The following INPP4A variants were observed in gnomAD, a reference collection of about 807,000 sequenced individuals.
INPP4A encodes the protein inositol polyphosphate-4-phosphatase type I A, also known as inositol polyphosphate-4-phosphatase, type I, 107kD.
Under a neutral mutation model 119.8 loss-of-function variants are expected in INPP4A, and 33 were observed. The observed-to-expected ratio is 0.28, with a 90% confidence interval of 0.21 to 0.37. The LOEUF (loss-of-function observed/expected upper bound fraction) is 0.37. Ranked by LOEUF, INPP4A falls within the 10% of genes least tolerant of loss-of-function variation. The pLI is 1.00. For synonymous variants in INPP4A, 496 were observed against 500.7 expected, an observed-to-expected ratio of 0.99 and a Z score of 0.12; for missense variants, 956 against 1,289.9, an observed-to-expected ratio of 0.74 and a Z score of 3.97.
chr2:98,559,417 G>A (rs1695056982), intron 16 of INPP4A, 46 bp from the exon 17 acceptor site: 1 of 1,611,266 alleles, frequency 6.2e-7, no homozygotes, highest in South Asian at 1.1e-5. Flanking sequence ...GGTTTGAACT[G>A]TGTGCTGCTC....
chr2:98,482,336 C>T (rs1454896709), intron 1 of INPP4A, among the ~76,000 whole-genome samples: 1 of 152,230 alleles, frequency 6.6e-6, no homozygotes, highest in Admixed American at 6.5e-5. Context: ...ATCACTTTTC[C>T]TATCTTGGCC....
chr2:98,464,605 C>G (rs1674363003), intron 1 of INPP4A, among the ~76,000 whole-genome samples: 1 of 152,208 alleles, frequency 6.6e-6, no homozygotes, highest in Non-Finnish European at 1.5e-5. Flanking sequence ...CATGTCAGAA[C>G]TCGGCACCAG....
chr2:98,510,301 G>A lies in INPP4A; in HGVS notation c.-165-8663G>A, dbSNP rs1252991777. On this transcript the variant is annotated intron_variant, in intron 1 of 24. Transcript: ENST00000409851. ...GGAAGGACAGAACTCCATCTACTGA[G>A]ATGGGAAACCTTGAGGGGCTGGTGA... Among the ~76,000 whole-genome samples the A allele has an allele frequency of 3.3e-5, 5 of 152,222 alleles. No homozygotes were observed. In the East Asian group the frequency reaches 7.7e-4, roughly 23 times the overall value.
At chr2:98,466,650 CTTATGG>C (rs1371375885) in intron 1 of INPP4A, among the ~76,000 whole-genome samples, 5 of 152,224 alleles carry the variant, frequency 3.3e-5, no homozygotes, top group Admixed American at 3.3e-4. Context: ...AAAACCCTCA[CTTATGG>C]TTATGCCAGG....
intron 1 of INPP4A, among the ~76,000 whole-genome samples, chr2:98,479,632 G>A (rs7602564): frequency 4.5e-4 from 69 of 152,286 alleles, no homozygotes; most frequent in African/African-American, 1.7e-3. Flanking sequence ...GTGGTCAGGT[G>A]CTGGGAAATC....
At chr2:98,585,466 A>C (rs1162991569) in intron 24 of INPP4A, among the ~76,000 whole-genome samples, 1 of 152,252 alleles carries the variant, frequency 6.6e-6, no homozygotes, top group Non-Finnish European at 1.5e-5. Context: ...GACCACCTCA[A>C]CATGTACCAT....
chr2:98,587,355 C>G (rs1700059897), intron 24 of INPP4A, 121 bp from the exon 25 acceptor site: 3 of 1,052,586 alleles, frequency 2.9e-6, no homozygotes, highest in Non-Finnish European at 4.0e-6. Context: ...GAGTCCGGCA[C>G]CCATTTAAAT....
chr2:98,584,299 T>A (rs1182624048), intron 24 of INPP4A, among the ~76,000 whole-genome samples: 1 of 152,260 alleles, frequency 6.6e-6, no homozygotes, highest in African/African-American at 2.4e-5. Context: ...TTACACAGCT[T>A]CCTGGTCCTG....
intron 1 of INPP4A, among the ~76,000 whole-genome samples, chr2:98,458,764 G>C (rs1696602068): frequency 6.6e-6 from 1 of 152,190 alleles, no homozygotes. Context: ...TATGCAGCAT[G>C]TATGCAGAGA....
At chr2:98,523,589 T>TTTCACTATG (rs1389138845) in intron 4 of INPP4A, among the ~76,000 whole-genome samples, 1 of 151,996 alleles carries the variant, frequency 6.6e-6, no homozygotes. Context: ...AGAGACGGGG[T>TTTCACTATG]TTCACTGTGT....
At chr2:98,468,848 G>A (rs146148019) in intron 1 of INPP4A, among the ~76,000 whole-genome samples, 60 of 152,262 alleles carry the variant, frequency 3.9e-4, no homozygotes, top group African/African-American at 1.2e-3. Context: ...TCTACATCAC[G>A]CCCACACTGG....
At chr2:98,503,803 G>A (rs902921615) in intron 1 of INPP4A, among the ~76,000 whole-genome samples, 3 of 152,202 alleles carry the variant, frequency 2.0e-5, no homozygotes, top group Admixed American at 2.0e-4. Flanking sequence ...TGCAGGCAGG[G>A]CTCCTGTCTT....
rs564501577 is a variant in INPP4A at position 98,570,107 on chromosome 2, G to A, written c.2518+1439G>A. Among the ~76,000 whole-genome samples the A allele has an allele frequency of 4.6e-5, 7 of 152,262 alleles. No homozygotes were observed. The East Asian group carries it at 1.2e-3, about 25-fold the overall frequency. On this transcript the variant is annotated intron_variant, in intron 22 of 24. Transcript: ENST00000409851. This position sits in a 1 kb window ranked among gnomAD's most constrained non-coding sequence, Gnocchi z 4.3. The stretch of plus-strand genomic sequence containing the variant: ...CTGGGCAAGGACGCTGGAGTTGCCG[G>A]CAACAGCTGGGGCCGTCCCGCTGAT...
At chr2:98,572,569 AT>A in intron 22 of INPP4A, among the ~76,000 whole-genome samples, 1 of 152,244 alleles carries the variant, frequency 6.6e-6, no homozygotes, top group Admixed American at 6.5e-5. Flanking sequence ...TTCGGTGGCC[AT>A]TCCCAGCCCC....
At chr2:98,564,854 G>C in intron 19 of INPP4A, 91 bp downstream of exon 19, 1 of 1,309,904 alleles carries the variant, frequency 7.6e-7, no homozygotes. Flanking sequence ...TACCAGTAAT[G>C]CGTGCTTATT....
chr2:98,465,984 G>C (rs962535203), intron 1 of INPP4A, among the ~76,000 whole-genome samples: 3 of 152,052 alleles, frequency 2.0e-5, no homozygotes, highest in Admixed American at 2.0e-4. Context: ...TCTCACTCCA[G>C]CCCTCCCCCC....
At chr2:98,488,422 T>C (rs577370807) in intron 1 of INPP4A, among the ~76,000 whole-genome samples, 106 of 152,350 alleles carry the variant, frequency 7.0e-4, no homozygotes, top group African/African-American at 2.1e-3. Context: ...ATTTGCCAGT[T>C]CTGTGTTTCC....
Position 98,520,102 on chromosome 2 carries a change from G to A in INPP4A, c.54G>A (p.Gln18=), listed in dbSNP as rs1686895108. ...PRHGARARAM[Q]RASTIDVAAD... is the part of the protein sequence containing the mutation. ...ATGGTGCCAGGGCCCGTGCAATGCA[G>A]CGGGCTTCCACCATCGACGTGGCGG... is the stretch of plus-strand genomic sequence containing the variant. Residue 18 remains glutamine, a synonymous_variant, in exon 3 of 25, where the codon CAG becomes CAA. Transcript: ENST00000409851. 6.3e-7 allele frequency: 1 copy of A among 1,577,856 alleles called. No homozygotes were observed. Among genetic ancestry groups the A allele is most frequent in the Non-Finnish European group, 8.6e-7 (1 of 1,160,442 alleles).
In INPP4A at chr2:98,544,005, G is replaced by T; in HGVS notation, c.947G>T (p.Arg316Ile). The T allele has an allele frequency of 6.4e-7, 1 of 1,557,186 alleles. No homozygotes were observed. Among genetic ancestry groups the T allele is most frequent in the Non-Finnish European group, 8.7e-7 (1 of 1,149,894 alleles). ...QENLTDLHQY[R>I]GPSFKASSLK... Reference sequence around the variant, plus strand: ...AACCTGACCGACCTCCATCAGTACAGAGGTGGGTGCACCCCCATGCTGTCA... The same window carrying T: ...AACCTGACCGACCTCCATCAGTACATAGGTGGGTGCACCCCCATGCTGTCA... Residue 316 changes from arginine (R) to isoleucine (I), a missense_variant and splice_region_variant, in exon 11 of 25, where the codon AGA (arginine) becomes ATA (isoleucine). Physicochemically the swap from Arg to Ile is moderately conservative, Grantham distance 97 (BLOSUM62 -3). Transcript: ENST00000409851.
Sources: gnomAD v4.1 joint callset for allele counts (sites outside exome capture counted in the v4.1 genomes callset) on GRCh38, gnomAD v4.1.1 for gene constraint, Gnocchi (gnomAD v3.1) non-coding constraint, MANE v1.5 for transcripts, NCBI Gene and HGNC (gene_info 2026-07-23, HGNC 2026-07-21) for gene names.